The following CSMD3 variants were observed in gnomAD, a reference collection of about 807,000 sequenced individuals.
CSMD3 encodes CUB and Sushi multiple domains 3, also known as CUB and sushi domain-containing protein 3.
Under a neutral mutation model 435.2 loss-of-function variants are expected in CSMD3, and 177 were observed. The observed-to-expected ratio is 0.41, with a 90% CI of 0.36 to 0.46. The LOEUF (loss-of-function observed/expected upper bound fraction) is 0.46. CSMD3 is among the 20% of genes least tolerant of loss of function. The pLI, the probability that CSMD3 is intolerant of heterozygous loss-of-function variation, is 0.34. For synonymous variants in CSMD3, 1,656 were observed against 1,520.5 expected (o/e 1.09, Z -2.07); for missense variants, 4,265 against 4,504.6 (o/e 0.95, Z 1.52).
At chr8:113,078,038 C>T (rs1465059464) in intron 5 of CSMD3, among the ~76,000 whole-genome samples, 1 of 152,162 alleles carries the variant, frequency 6.6e-6, no homozygotes, top group Non-Finnish European at 1.5e-5. Flanking sequence ...TATCTATTCA[C>T]ATGAGTATAC....
intron 30 of CSMD3, among the ~76,000 whole-genome samples, chr8:112,498,971 T>C (rs1821656396): frequency 6.6e-6 from 1 of 152,152 alleles, no homozygotes; most frequent in African/African-American, 2.4e-5. Flanking sequence ...TTACTGTGTG[T>C]AGGCACTATT....
intron 11 of CSMD3, among the ~76,000 whole-genome samples, chr8:112,835,826 C>T (rs1176030729): frequency 6.6e-6 from 1 of 151,746 alleles, no homozygotes; most frequent in Admixed American, 6.6e-5. Flanking sequence ...AGCTGTGGAG[C>T]ACTATGACAA....
intron 1 of CSMD3, among the ~76,000 whole-genome samples, chr8:113,420,219 T>A (rs1216493362): frequency 6.6e-6 from 1 of 152,078 alleles, no homozygotes; most frequent in African/African-American, 2.4e-5. Flanking sequence ...CCACATCATA[T>A]CAAACAAAAC....
chr8:112,322,756 T>C (rs900834744), intron 45 of CSMD3, among the ~76,000 whole-genome samples: 4 of 152,052 alleles, frequency 2.6e-5, no homozygotes, highest in Admixed American at 2.6e-4. Flanking sequence ...TTGTGGCACA[T>C]GTAAACACGA....
intron 1 of CSMD3, among the ~76,000 whole-genome samples, chr8:113,405,764 G>C (rs146959666): frequency 2.6e-5 from 4 of 151,682 alleles, no homozygotes; most frequent in Non-Finnish European, 5.9e-5. Flanking sequence ...CTTCTTAAAA[G>C]TTATATTCAA....
intron 17 of CSMD3, among the ~76,000 whole-genome samples, chr8:112,662,277 A>G (rs1003129573): frequency 2.0e-5 from 3 of 152,204 alleles, no homozygotes; most frequent in African/African-American, 7.2e-5. Context: ...GAACTATACT[A>G]CAAGGCTACA....
chr8:113,054,750 C>A (rs1319807868), intron 5 of CSMD3, among the ~76,000 whole-genome samples: 2 of 152,266 alleles, frequency 1.3e-5, no homozygotes, highest in East Asian at 3.9e-4. Context: ...ACTTTCTGTA[C>A]ACGCTGTCTT....
At chr8:112,627,613 A>G (rs1834590157) in intron 22 of CSMD3, among the ~76,000 whole-genome samples, 1 of 152,208 alleles carries the variant, frequency 6.6e-6, no homozygotes, top group Non-Finnish European at 1.5e-5. Flanking sequence ...GTCAGAGCAT[A>G]AGGACATATA....
At chr8:113,416,195 T>C (rs1442417738) in intron 1 of CSMD3, among the ~76,000 whole-genome samples, 1 of 152,116 alleles carries the variant, frequency 6.6e-6, no homozygotes, top group African/African-American at 2.4e-5. Context: ...AATTTTCAGG[T>C]ATTAAAGCAA....
chr8:113,282,965 A>G (rs750168691), intron 2 of CSMD3, among the ~76,000 whole-genome samples: 17 of 152,106 alleles, frequency 1.1e-4, no homozygotes, highest in Non-Finnish European at 1.9e-4. Flanking sequence ...GACAAAGCAA[A>G]CAAAAACATA....
chr8:112,411,438 T>C (rs1271357764), intron 32 of CSMD3, among the ~76,000 whole-genome samples: 1 of 151,890 alleles, frequency 6.6e-6, no homozygotes, highest in African/African-American at 2.4e-5. Flanking sequence ...TTAAAAGCAA[T>C]CAACTCTGCA....
intron 1 of CSMD3, among the ~76,000 whole-genome samples, chr8:113,384,646 T>A (rs2094431834): frequency 6.6e-6 from 1 of 152,164 alleles, no homozygotes; most frequent in Non-Finnish European, 1.5e-5. Context: ...GTAGTACATC[T>A]GAGAAGGCAT....
rs1485416564 is a variant in CSMD3 at position 112,718,846 on chromosome 8, C to T, written c.1973-28796G>A. On this transcript the variant is annotated intron_variant, in intron 13 of 70. Coordinates refer to ENST00000297405, the MANE Select transcript of CSMD3 (RefSeq NM_198123.2). ...TATTTTGTCTTCTCAGCCCCATTAC[C>T]TAACACAGTGCCTGGGACATAGTAG... is the stretch of plus-strand genomic sequence containing the variant. Among the ~76,000 whole-genome samples the T allele has an allele frequency of 5.3e-5, 8 of 151,956 alleles. No homozygotes were observed. The East Asian group carries it at 1.5e-3, about 29-fold the overall frequency.
chr8:113,266,026 A>C (rs1424643560), intron 3 of CSMD3, among the ~76,000 whole-genome samples: 1 of 151,476 alleles, frequency 6.6e-6, no homozygotes, highest in East Asian at 1.9e-4. Context: ...CTGTTTAATA[A>C]ATGGAATTTT....
chr8:112,430,101 A>G (rs1236751775), intron 32 of CSMD3, among the ~76,000 whole-genome samples: 1 of 152,040 alleles, frequency 6.6e-6, no homozygotes, highest in African/African-American at 2.4e-5. Context: ...GCTGGGAGAA[A>G]AGCAAACCTG....
chr8:113,248,800 T>C (rs2093306062), intron 3 of CSMD3, among the ~76,000 whole-genome samples: 8 of 151,894 alleles, frequency 5.3e-5, no homozygotes, highest in Admixed American at 5.3e-4. Flanking sequence ...TAAGCATAAG[T>C]ATTTTAAATC....
chr8:112,678,920 G>T (rs1451624611), intron 16 of CSMD3, among the ~76,000 whole-genome samples: 3 of 151,868 alleles, frequency 2.0e-5, no homozygotes, highest in Admixed American at 2.0e-4. Flanking sequence ...GGCTGCGATA[G>T]TGCCCCAAAG....
intron 31 of CSMD3, 98 bp downstream of exon 31, chr8:112,492,391 T>C (rs926242259): frequency 5.1e-5 from 46 of 902,084 alleles, no homozygotes; most frequent in Admixed American, 3.5e-4. Flanking sequence ...TTGTAGATTG[T>C]ATGTGGAATA....
chr8:112,970,904 T>G (rs7843921), intron 7 of CSMD3, among the ~76,000 whole-genome samples: 100,230 of 151,608 alleles, frequency 0.66, 34,413 homozygotes, highest in East Asian at 0.95. Flanking sequence ...TGTATTTTTA[T>G]TAGAGATGGG....
Sources: allele counts gnomAD v4.1 joint callset (sites outside exome capture counted in the v4.1 genomes callset), GRCh38; gene constraint gnomAD v4.1.1; transcripts MANE v1.5; gene names NCBI Gene and HGNC (gene_info 2026-07-23, HGNC 2026-07-21).